KHDRBS2: variants seen among roughly 807,000 people sequenced by gnomAD.
The protein encoded by KHDRBS2 is KH RNA binding domain containing, signal transduction associated 2.
In KHDRBS2, 26 loss-of-function variants were observed where a neutral mutation model predicts 44.3. That is an observed-to-expected ratio of 0.59 (90% CI 0.43 to 0.81). The LOEUF is 0.81. KHDRBS2 is among the 40% of genes least tolerant of loss of function. KHDRBS2 has a pLI of 0.00. For synonymous variants in KHDRBS2, 194 were observed against 151.1 expected (o/e 1.28, Z -2.08); for missense variants, 476 against 433.1 (o/e 1.10, Z -0.88).
the KHDRBS2 span, among the ~76,000 whole-genome samples, chr6:61,550,391 A>G: frequency 6.6e-6 from 1 of 152,164 alleles, no homozygotes; most frequent in African/African-American, 2.4e-5. Context: ...TATGCTGCAT[A>G]GTATTCCATG....
intron 6 of KHDRBS2, among the ~76,000 whole-genome samples, chr6:61,771,833 G>A (rs7760053): frequency 0.38 from 57,185 of 151,886 alleles, 11,909 homozygotes; most frequent in African/African-American, 0.57. Flanking sequence ...TGCACCGAGC[G>A]GACCTAATAG....
At chr6:62,030,318 C>T (rs1392354691) in intron 3 of KHDRBS2, among the ~76,000 whole-genome samples, 1 of 151,984 alleles carries the variant, frequency 6.6e-6, no homozygotes, top group East Asian at 1.9e-4. Flanking sequence ...GGGTGCAATT[C>T]TTCAGAGAAG....
the KHDRBS2 span, among the ~76,000 whole-genome samples, chr6:61,587,361 T>TAATCTC: frequency 5.2e-5 from 5 of 96,024 alleles, no homozygotes; most frequent in South Asian, 5.6e-4. Context: ...CAGCTTTTTT[T>TAATCTC]TATCTCTCTC....
chr6:62,105,562 C>T (rs1344875113), intron 2 of KHDRBS2, among the ~76,000 whole-genome samples: 4 of 152,050 alleles, frequency 2.6e-5, no homozygotes, highest in South Asian at 2.1e-4. Context: ...AGTTTATTTG[C>T]GTAGAGGTGT....
intron 2 of KHDRBS2, among the ~76,000 whole-genome samples, chr6:62,056,343 A>C (rs1790290314): frequency 6.6e-6 from 1 of 152,002 alleles, no homozygotes; most frequent in South Asian, 2.1e-4. Flanking sequence ...CTCATAAACA[A>C]GTAAAATTAA....
chr6:61,702,408 T>C (rs1447979633), intron 7 of KHDRBS2, among the ~76,000 whole-genome samples: 1 of 151,926 alleles, frequency 6.6e-6, no homozygotes. Context: ...TAGCCTATTA[T>C]GTAGGAGAGA....
chr6:62,205,007 T>C (rs1376926636), intron 1 of KHDRBS2, among the ~76,000 whole-genome samples: 1 of 152,134 alleles, frequency 6.6e-6, no homozygotes, highest in Non-Finnish European at 1.5e-5. Flanking sequence ...GTTAATTAAT[T>C]AATATAACGA....
intron 7 of KHDRBS2, among the ~76,000 whole-genome samples, chr6:61,703,356 G>A (rs1043133431): frequency 7.3e-5 from 11 of 151,588 alleles, no homozygotes; most frequent in African/African-American, 2.7e-4. Context: ...ATGGTGAAAT[G>A]GTTACTATAA....
chr6:61,574,282 G>C, the KHDRBS2 span: 2 of 1,370,338 alleles, frequency 1.5e-6, no homozygotes, highest in Non-Finnish European at 2.0e-6. Context: ...CCCTAACCGT[G>C]CAAAGGTAGC....
intron 1 of KHDRBS2, among the ~76,000 whole-genome samples, chr6:62,214,141 A>T (rs920715419): frequency 1.3e-5 from 2 of 152,016 alleles, no homozygotes; most frequent in African/African-American, 4.8e-5. Context: ...TACTCTTGAG[A>T]TTTGATTTAT....
intron 8 of KHDRBS2, among the ~76,000 whole-genome samples, chr6:61,683,302 C>T (rs758128158): frequency 6.6e-6 from 1 of 151,864 alleles, no homozygotes; most frequent in Non-Finnish European, 1.5e-5. Flanking sequence ...AACTACTCAT[C>T]AACTTGGCTT....
At chr6:62,155,159 G>A (rs970485413) in intron 2 of KHDRBS2, among the ~76,000 whole-genome samples, 1 of 152,092 alleles carries the variant, frequency 6.6e-6, no homozygotes, top group African/African-American at 2.4e-5. Context: ...AACTGGATTT[G>A]AGCTGGGTTT....
chr6:61,941,178 C>G (rs1355598103), intron 4 of KHDRBS2, among the ~76,000 whole-genome samples: 1 of 152,192 alleles, frequency 6.6e-6, no homozygotes, highest in Admixed American at 6.5e-5. Flanking sequence ...TCATTGGCAT[C>G]TGAACCTTCT....
chr6:61,953,007 C>T (rs1765093862), intron 4 of KHDRBS2, among the ~76,000 whole-genome samples: 1 of 151,794 alleles, frequency 6.6e-6, no homozygotes, highest in African/African-American at 2.4e-5. Context: ...TATTTGTAAA[C>T]ATTTTAAATA....
chr6:61,576,436 C>G, the KHDRBS2 span, among the ~76,000 whole-genome samples: 2 of 152,060 alleles, frequency 1.3e-5, no homozygotes, highest in African/African-American at 4.8e-5. Context: ...TGAAACTTTA[C>G]TGAATTCATT....
At chr6:61,638,489 C>T in the KHDRBS2 span, among the ~76,000 whole-genome samples, 1 of 152,086 alleles carries the variant, frequency 6.6e-6, no homozygotes, top group Non-Finnish European at 1.5e-5. Flanking sequence ...TTCCTTACAC[C>T]TTATACAAAA....
the KHDRBS2 span, among the ~76,000 whole-genome samples, chr6:61,661,697 G>A: frequency 3.4e-4 from 51 of 151,956 alleles, no homozygotes; most frequent in African/African-American, 1.2e-3. Context: ...CAAGGGACAT[G>A]AAGGACCTCT....
intron 3 of KHDRBS2, among the ~76,000 whole-genome samples, chr6:62,039,319 A>G (rs1163150368): frequency 6.6e-6 from 1 of 151,388 alleles, no homozygotes; most frequent in Non-Finnish European, 1.5e-5. Flanking sequence ...ATCTGTCTGC[A>G]TTGATCGCCA....
intron 4 of KHDRBS2, among the ~76,000 whole-genome samples, chr6:61,943,123 A>AAAGAAAAAAAGAAAAG (rs1554283295): frequency 7.2e-6 from 1 of 139,030 alleles, no homozygotes; most frequent in Non-Finnish European, 1.6e-5. Flanking sequence ...AAGAAAAAAG[A>AAAGAAAAAAAGAAAAG]AAAGAAAGAA....
Sources: allele counts gnomAD v4.1 joint callset (sites outside exome capture counted in the v4.1 genomes callset), GRCh38; gene constraint gnomAD v4.1.1; transcripts MANE v1.5; gene names NCBI Gene and HGNC (gene_info 2026-07-23, HGNC 2026-07-21).